Variants in ATP2B2 observed in about 807,000 individuals in gnomAD.
The protein encoded by ATP2B2 is ATPase plasma membrane Ca2+ transporting 2.
A neutral mutation model predicts 120.0 loss-of-function variants in ATP2B2; 15 were observed. The ratio of observed to expected loss-of-function variants is 0.12; its 90% CI spans 0.08 to 0.19. The LOEUF is 0.19. ATP2B2 is among the 10% of genes least tolerant of loss of function. ATP2B2 has a pLI of 1.00. For synonymous variants in ATP2B2, 694 were observed against 700.3 expected (o/e 0.99, Z 0.14); for missense variants, 1,045 against 1,719.8 (o/e 0.61, Z 6.94).
intron 2 of ATP2B2, among the ~76,000 whole-genome samples, chr3:10,437,197 C>T (rs756312000): frequency 1.1e-4 from 17 of 152,004 alleles, no homozygotes; most frequent in Admixed American, 6.6e-4. Flanking sequence ...TGTGAGGCTG[C>T]GCAAGATGCC....
At chr3:10,680,815 T>G (rs1036127845) in intron 1 of ATP2B2, among the ~76,000 whole-genome samples, 4 of 152,200 alleles carry the variant, frequency 2.6e-5, no homozygotes, top group African/African-American at 9.6e-5. Flanking sequence ...AGTCAGCAGA[T>G]TCCTACACCC....
chr3:10,456,677 C>T (rs1281688698), intron 1 of ATP2B2, among the ~76,000 whole-genome samples: 3 of 152,252 alleles, frequency 2.0e-5, no homozygotes, highest in Non-Finnish European at 4.4e-5. Context: ...TCTGACTTTC[C>T]CATGCCCACC....
intron 2 of ATP2B2, among the ~76,000 whole-genome samples, chr3:10,543,883 C>T (rs1449181542): frequency 6.6e-6 from 1 of 151,984 alleles, no homozygotes; most frequent in East Asian, 1.9e-4. Flanking sequence ...GGACTACAGG[C>T]ACATGTCATC....
intron 2 of ATP2B2, among the ~76,000 whole-genome samples, chr3:10,536,929 GTTA>G (rs1185153206): frequency 6.6e-6 from 1 of 152,226 alleles, no homozygotes; most frequent in Admixed American, 6.5e-5. Context: ...TTAGGTTGAA[GTTA>G]TTATCATTTT....
At chr3:10,679,673 A>G (rs1281751359) in intron 1 of ATP2B2, among the ~76,000 whole-genome samples, 1 of 152,226 alleles carries the variant, frequency 6.6e-6, no homozygotes, top group African/African-American at 2.4e-5. Context: ...GGGTGAACAC[A>G]TTGTTGTATA....
rs184016967 is a variant in ATP2B2 at position 10,531,784 on chromosome 3, C to T, written c.-320+2255G>A. 7.6e-4 allele frequency among the ~76,000 whole-genome samples: 115 copies of T among 152,300 alleles called. 1 individual carries two copies. Among genetic ancestry groups the T allele is most frequent in the African/African-American group, 2.6e-3 (106 of 41,548 alleles). ...AAGGGGCTCATCGCAATGCCTGGCA[C>T]GCAGTGGGTACTTAGGGACTCCTAG... On this transcript the variant is annotated intron_variant, in intron 3 of 21. Coordinates refer to the ATP2B2 transcript ENST00000646379.
In ATP2B2 at chr3:10,512,464, G is replaced by GCGCGCGCACACA. The variant is rs749056818; in HGVS notation, c.-320+21574_-320+21575insTGTGTGCGCGCG. ...TATTCCTGGGTGCTAAAGTGTGTGC[G>GCGCGCGCACACA]CACACACACACACACACACACACAC... On this transcript the variant is annotated intron_variant, in intron 3 of 21. Coordinates refer to the ATP2B2 transcript ENST00000646379. 2.4e-3 allele frequency among the ~76,000 whole-genome samples: 330 copies of GCGCGCGCACACA among 136,930 alleles called. 4 individuals carry two copies. The highest frequency in any genetic ancestry group is 8.7e-3 in the African/African-American group (302 of 34,584). 89.8% of individuals were successfully genotyped at this position (136,930 alleles called of 152,430 possible).
At chr3:10,703,494 A>G (rs116323593) in intron 1 of ATP2B2, among the ~76,000 whole-genome samples, 205 of 152,232 alleles carry the variant, frequency 1.3e-3, no homozygotes, top group African/African-American at 4.8e-3. Context: ...TTGTTCCTCA[A>G]ATTGTTGGAG....
intron 3 of ATP2B2, among the ~76,000 whole-genome samples, chr3:10,407,469 G>A (rs1424850962): frequency 2.6e-5 from 4 of 152,050 alleles, no homozygotes; most frequent in Admixed American, 1.3e-4. Flanking sequence ...CAGGGCCGGC[G>A]TTGCTCCTTC....
At chr3:10,702,607 G>T (rs2071835015) in intron 1 of ATP2B2, among the ~76,000 whole-genome samples, 1 of 152,174 alleles carries the variant, frequency 6.6e-6, no homozygotes, top group Non-Finnish European at 1.5e-5. Flanking sequence ...CACACTAAAA[G>T]GACCTGTTCA....
intron 2 of ATP2B2, among the ~76,000 whole-genome samples, chr3:10,611,258 G>A (rs1377455444): frequency 1.3e-5 from 2 of 152,174 alleles, no homozygotes; most frequent in Non-Finnish European, 2.9e-5. Flanking sequence ...TCCCTGGCAG[G>A]GGTGGGCAAG....
intron 2 of ATP2B2, among the ~76,000 whole-genome samples, chr3:10,558,326 C>T (rs538894075): frequency 2.7e-4 from 41 of 152,212 alleles, no homozygotes; most frequent in African/African-American, 8.7e-4. Flanking sequence ...TGGAAGTGCA[C>T]GTGGTCTGTG....
At chr3:10,637,254 TCA>T (rs141043225) in intron 1 of ATP2B2, among the ~76,000 whole-genome samples, 3,028 of 152,268 alleles carry the variant, frequency 0.02, 37 homozygotes, top group South Asian at 0.036. Context: ...AAGGTAAAAT[TCA>T]CAGTGTCTGA....
chr3:10,617,660 G>T (rs554451344), intron 2 of ATP2B2, among the ~76,000 whole-genome samples: 3 of 152,212 alleles, frequency 2.0e-5, no homozygotes, highest in African/African-American at 4.8e-5. Flanking sequence ...AAGACCAAGG[G>T]CTTAGCCGTT....
chr3:10,577,453 C>T (rs1017239591), intron 2 of ATP2B2, among the ~76,000 whole-genome samples: 1 of 152,208 alleles, frequency 6.6e-6, no homozygotes, highest in Admixed American at 6.5e-5. Context: ...TTGGTGTCCT[C>T]TTCCTCAGCT....
chr3:10,703,577 C>T (rs772525181), intron 1 of ATP2B2, among the ~76,000 whole-genome samples: 19 of 152,206 alleles, frequency 1.2e-4, no homozygotes, highest in Non-Finnish European at 2.5e-4. Flanking sequence ...TCCTAGAACT[C>T]CGGATCAGCA....
intron 3 of ATP2B2, among the ~76,000 whole-genome samples, chr3:10,410,142 C>CT (rs1160809819): frequency 2.0e-5 from 3 of 151,960 alleles, no homozygotes; most frequent in African/African-American, 2.4e-5. Context: ...GTTTCCTCAT[C>CT]TTTTTTTTAT....
At position 10,505,087 on chromosome 3, in the gene ATP2B2, C is replaced by T. The variant is rs567801318; in HGVS notation, c.-320+378G>A. 1.8e-4 allele frequency among the ~76,000 whole-genome samples: 27 copies of T among 152,330 alleles called. No homozygotes were observed. The East Asian group carries it at 4.4e-3, about 25-fold the overall frequency. The stretch of plus-strand genomic sequence containing the variant: ...GAGAGAAGAGAACCTTGTCCCCTGC[C>T]ACCAGCTTGCTGGCCCTTGCATAAC... On this transcript the variant is annotated intron_variant, in intron 1 of 22. Transcript: ENST00000360273.
chr3:10,679,316 G>GA (rs2071325232), intron 1 of ATP2B2, among the ~76,000 whole-genome samples: 2 of 152,186 alleles, frequency 1.3e-5, no homozygotes, highest in African/African-American at 4.8e-5. Flanking sequence ...TACATCACAG[G>GA]AATGTTTATG....
Sources: gnomAD v4.1 joint callset for allele counts (sites outside exome capture counted in the v4.1 genomes callset) on GRCh38, gnomAD v4.1.1 for gene constraint, MANE v1.5 for transcripts, NCBI Gene and HGNC (gene_info 2026-07-23, HGNC 2026-07-21) for gene names.